CSAD: variants seen among roughly 807,000 people sequenced by gnomAD.
CSAD encodes the protein P-selectin cytoplasmic tail-associated protein.
In CSAD, 47 loss-of-function variants were observed where a neutral mutation model predicts 61.5. The observed-to-expected ratio is 0.76, with a 90% CI of 0.60 to 0.97. The LOEUF is 0.97. CSAD is among the 50% of genes least tolerant of loss of function. The pLI, the probability that CSAD is intolerant of heterozygous loss-of-function variation, is 0.00. For missense variants in CSAD, 611 were observed against 643.6 expected, an observed-to-expected ratio of 0.95 and a Z score of 0.55; for synonymous variants, 245 against 252.7, an observed-to-expected ratio of 0.97 and a Z score of 0.29.
chr12:53,180,972 C>G (rs551444653), upstream of CSAD: 2 of 635,080 alleles, frequency 3.1e-6, no homozygotes, highest in African/African-American at 4.1e-5. Context: ...AGGGGGATCT[C>G]CGGGGGAGGG....
intron 3 of CSAD, 53 bp from the exon 4 acceptor site, chr12:53,173,529 T>C (rs1267872438): frequency 5.6e-6 from 9 of 1,613,086 alleles, no homozygotes; most frequent in African/African-American, 2.7e-5. Context: ...TTCCCGGACC[T>C]ACCCAGCAGG....
rs188564772 is a variant in CSAD, at chr12:53,173,064, C to T, written c.126+281G>A. Among the ~76,000 whole-genome samples the T allele has an allele frequency of 1.6e-4, 24 of 152,122 alleles. 1 individual carries two copies. In the East Asian group the frequency reaches 2.5e-3, roughly 16 times the overall value. On this transcript the variant is annotated intron_variant, in intron 4 of 16. Transcript: ENST00000444623. The stretch of plus-strand genomic sequence containing the variant: ...CTCTACTAAAAATACAAAAATTAGC[C>T]GGGCGTGGTGGCACATGCCTGTAAT...
At chr12:53,177,653 T>A (rs977479911) in intron 2 of CSAD, among the ~76,000 whole-genome samples, 8 of 147,512 alleles carry the variant, frequency 5.4e-5, no homozygotes, top group African/African-American at 2.0e-4. Flanking sequence ...TTATTTATTT[T>A]TTGAGACAGA....
In CSAD at chr12:53,161,188, C is replaced by T. The variant is rs1279932082; in HGVS notation, c.823G>A (p.Ala275Thr). The T allele has an allele frequency of 6.2e-7, 1 of 1,614,074 alleles. No homozygotes were observed. The highest frequency in any genetic ancestry group is 1.7e-5 in the Admixed American group (1 of 60,006). Reference sequence around the variant, plus strand: ...GACAGCAGGACGCTCCCACCCCAGGCAGCCTGTGGAGCAGGAGGAACAACG... The same window carrying T: ...GACAGCAGGACGCTCCCACCCCAGGTAGCCTGTGGAGCAGGAGGAACAACG... Reference protein sequence around the residue: ...RHGLWLHVDAAWGGSVLLSQT... With the variant: ...RHGLWLHVDATWGGSVLLSQT... The change falls in exon 12 of 17, where the codon GCC (alanine) becomes ACC (threonine). Residue 275 changes from alanine (A) to threonine (T), a missense_variant. By Grantham distance (58) the Ala-to-Thr change is moderately conservative. Coordinates refer to ENST00000444623, the MANE Select transcript of CSAD (RefSeq NM_001244705.2).
chr12:53,168,778 C>A (rs1175623189), intron 10 of CSAD, among the ~76,000 whole-genome samples: 2 of 152,208 alleles, frequency 1.3e-5, no homozygotes, highest in Non-Finnish European at 2.9e-5. Context: ...CTTACAATAA[C>A]CCTATGTGGC....
chr12:53,159,518 G>C (rs1938993408), intron 16 of CSAD, 105 bp downstream of exon 16: 5 of 888,242 alleles, frequency 5.6e-6, no homozygotes, highest in Non-Finnish European at 8.9e-6. Flanking sequence ...CAGAGCAAGA[G>C]ACCAGCAAGG....
chr12:53,171,363 C>CG lies in CSAD; in HGVS notation c.529dup (p.Arg177ProfsTer38), dbSNP rs1565667995. 1 of 1,614,002 alleles carries CG rather than the reference C, an allele frequency of 6.2e-7. No individual in the cohort carries two copies. Among genetic ancestry groups the CG allele is most frequent in the Non-Finnish European group, 8.5e-7 (1 of 1,180,012 alleles). ...GAATAGGGCCAGGGGCGGCAGTGTG[C>CG]GGAGGCCCCTCTGCTTGCAATCCGG... On this transcript the variant is annotated frameshift_variant, in exon 8 of 17. Transcript: ENST00000444623. LOFTEE classifies it high-confidence loss of function.
chr12:53,168,318 T>C (rs1364583527), intron 10 of CSAD, among the ~76,000 whole-genome samples: 1 of 152,182 alleles, frequency 6.6e-6, no homozygotes, highest in Admixed American at 6.5e-5. Context: ...ACTCTGCAAA[T>C]ATGCTAAACC....
At chr12:53,180,342 C>T (rs965922190) in intron 1 of CSAD, 26 of 985,310 alleles carry the variant, frequency 2.6e-5, no homozygotes, top group Non-Finnish European at 1.4e-5. Flanking sequence ...GAGCGATGGG[C>T]AGGACGTCCG....
chr12:53,177,322 A>G (rs982022832), intron 2 of CSAD, among the ~76,000 whole-genome samples: 18 of 152,190 alleles, frequency 1.2e-4, no homozygotes, highest in Non-Finnish European at 2.4e-4. Context: ...ATTTTCCCAT[A>G]AAGCATGACT....
At chr12:53,171,856 G>GA in intron 7 of CSAD, 26 bp downstream of exon 7, 2 of 1,486,012 alleles carry the variant, frequency 1.3e-6, no homozygotes, top group Non-Finnish European at 1.9e-6. Flanking sequence ...AAAGGGCAAA[G>GA]AAAGGTCCTC....
intron 2 of CSAD, among the ~76,000 whole-genome samples, chr12:53,178,652 G>A (rs1397888768): frequency 1.3e-5 from 2 of 152,022 alleles, no homozygotes; most frequent in East Asian, 1.9e-4. Flanking sequence ...AAAATTAGCC[G>A]GGCTGGCAGC....
chr12:53,169,579 T>A (rs1032693566), intron 10 of CSAD, among the ~76,000 whole-genome samples: 1 of 152,138 alleles, frequency 6.6e-6, no homozygotes, highest in East Asian at 1.9e-4. Flanking sequence ...TGAGTGAGAC[T>A]CTGTCTCAAA....
chr12:53,159,403 T>C (rs1938969647), intron 16 of CSAD, among the ~76,000 whole-genome samples: 1 of 152,204 alleles, frequency 6.6e-6, no homozygotes, highest in Non-Finnish European at 1.5e-5. Flanking sequence ...TACACACTGG[T>C]GACTTCTCTG....
chr12:53,161,510 CAAT>C (rs1195184759), intron 10 of CSAD, 121 bp from the exon 11 acceptor site: 12 of 722,158 alleles, frequency 1.7e-5, no homozygotes, highest in East Asian at 7.6e-5. Context: ...AACCTCACAA[CAAT>C]GTGTTACTGT....
At chr12:53,171,289 T>A in intron 8 of CSAD, 37 bp downstream of exon 8, 1 of 1,613,340 alleles carries the variant, frequency 6.2e-7, no homozygotes, top group Non-Finnish European at 8.5e-7. Flanking sequence ...GAGATTAGAA[T>A]CAGGAGCCCA....
At chr12:53,180,926 G>C (rs930066244), upstream of CSAD, 20 of 1,050,444 alleles carry the variant, frequency 1.9e-5, 1 homozygote, top group Middle Eastern at 4.5e-4. Context: ...GCGCGGGAAG[G>C]GGGAGGGGAG....
chr12:53,173,305 A>C, intron 4 of CSAD, 40 bp downstream of exon 4: 2 of 1,560,744 alleles, frequency 1.3e-6, no homozygotes, highest in Non-Finnish European at 1.8e-6. Flanking sequence ...AAAGAAAAGA[A>C]AGAAAGCTTG....
chr12:53,162,035 G>T, intron 10 of CSAD, among the ~76,000 whole-genome samples: 1 of 152,014 alleles, frequency 6.6e-6, no homozygotes, highest in East Asian at 1.9e-4. Context: ...CAAGGCAGGT[G>T]GATCACTTGA....
Sources: allele counts gnomAD v4.1 joint callset (sites outside exome capture counted in the v4.1 genomes callset), GRCh38; gene constraint gnomAD v4.1.1; transcripts MANE v1.5; gene names NCBI Gene and HGNC (gene_info 2026-07-23, HGNC 2026-07-21).